Variants in SLCO1A2 observed in about 807,000 individuals in gnomAD.
The protein encoded by SLCO1A2 is OATP-1.
In SLCO1A2, 67 loss-of-function variants were observed where a neutral mutation model predicts 69.0. The observed-to-expected ratio is 0.97, with a 90% confidence interval of 0.80 to 1.19. The LOEUF (loss-of-function observed/expected upper bound fraction) is 1.19. Among genes scored for constraint, SLCO1A2 ranks in the 50% most tolerant of loss-of-function variants. The probability of loss-of-function intolerance (pLI) is 0.00; values close to 1 mark genes in which losing one functional copy is unlikely to be tolerated. For synonymous variants in SLCO1A2, 260 were observed against 265.9 expected (o/e 0.98, Z 0.22); for missense variants, 787 against 793.7 (o/e 0.99, Z 0.10).
intron 1 of SLCO1A2, among the ~76,000 whole-genome samples, chr12:21,406,042 C>G (rs1941818609): frequency 2.0e-5 from 3 of 152,156 alleles, no homozygotes; most frequent in Admixed American, 2.0e-4. Flanking sequence ...GCAAAAGAGT[C>G]TAAATTACTA....
rs1950661711 is a variant in SLCO1A2 at position 21,314,732 on chromosome 12, A to AT, written c.203-52dup. 2.2e-6 allele frequency: 3 copies of AT among 1,359,396 alleles called. No individual in the cohort carries two copies. The East Asian group carries it at 7.2e-5, about 33-fold the overall frequency. The allele number at this position is 1,359,396 out of a possible 1,614,324, so 84.2% of individuals were successfully genotyped here. ...TTTAAAAAGTATGAACAAAGTCTTA[A>AT]TTAAGAGCCTCACCCAATCATTTAC... On this transcript the variant is annotated intron_variant, in intron 3 of 14. Transcript: ENST00000683939.
intron 2 of SLCO1A2, among the ~76,000 whole-genome samples, chr12:21,359,573 C>A (rs553589529): frequency 6.6e-6 from 1 of 152,226 alleles, no homozygotes; most frequent in East Asian, 1.9e-4. Context: ...TAGTGTCTCA[C>A]TAATAAATGT....
At chr12:21,347,471 C>A (rs1314293672) in intron 2 of SLCO1A2, among the ~76,000 whole-genome samples, 1 of 152,060 alleles carries the variant, frequency 6.6e-6, no homozygotes, top group African/African-American at 2.4e-5. Flanking sequence ...CATGGTGAAA[C>A]CCCCTCTCTA....
At chr12:21,319,354 A>G (rs769213996) in intron 2 of SLCO1A2, 1 of 1,368,158 alleles carries the variant, frequency 7.3e-7, no homozygotes, top group East Asian at 4.5e-5. Context: ...TCTGCAGGAC[A>G]ATAGGTCCCC....
intron 1 of SLCO1A2, among the ~76,000 whole-genome samples, chr12:21,384,062 A>G (rs959237711): frequency 2.0e-5 from 3 of 152,244 alleles, no homozygotes; most frequent in Non-Finnish European, 2.9e-5. Context: ...AAGATTAGAA[A>G]TAAAATATGC....
chr12:21,291,537 G>A (rs908741153), intron 12 of SLCO1A2, among the ~76,000 whole-genome samples: 8 of 152,132 alleles, frequency 5.3e-5, no homozygotes, highest in Non-Finnish European at 1.0e-4. Context: ...GAGAAAAAAT[G>A]CAAATTATGT....
intron 3 of SLCO1A2, among the ~76,000 whole-genome samples, chr12:21,315,314 G>T (rs995026472): frequency 4.6e-5 from 7 of 152,044 alleles, no homozygotes; most frequent in Admixed American, 1.3e-4. Flanking sequence ...AATAAAAATG[G>T]CAATGAAAAA....
At chr12:21,406,506 C>T (rs535221028) in intron 1 of SLCO1A2, among the ~76,000 whole-genome samples, 4 of 152,134 alleles carry the variant, frequency 2.6e-5, no homozygotes, top group Admixed American at 1.3e-4. Context: ...AAGCTTCAAG[C>T]GGCAGGATTG....
chr12:21,282,232 A>G (rs1944929864), intron 12 of SLCO1A2, among the ~76,000 whole-genome samples: 1 of 152,186 alleles, frequency 6.6e-6, no homozygotes. Flanking sequence ...AAGATCATTC[A>G]TCATGACCAA....
At chr12:21,289,959 T>C (rs1946574383) in intron 12 of SLCO1A2, among the ~76,000 whole-genome samples, 1 of 152,082 alleles carries the variant, frequency 6.6e-6, no homozygotes, top group South Asian at 2.1e-4. Context: ...TACACACATC[T>C]GGCTATCAGA....
intron 2 of SLCO1A2, among the ~76,000 whole-genome samples, chr12:21,342,290 A>G (rs1272373001): frequency 6.6e-6 from 1 of 151,970 alleles, no homozygotes; most frequent in African/African-American, 2.4e-5. Context: ...TTCAAGACCT[A>G]TTTTTGAAAA....
In SLCO1A2 at chr12:21,265,117, T is replaced by C. The variant is rs875234; in HGVS notation, c.*4431A>G. Reference sequence around the variant, plus strand: ...TAAAATAAAACATCAATTGTATGAGTGTAATAGACATTCTAGTTCTTCAGC... The same window carrying C: ...TAAAATAAAACATCAATTGTATGAGCGTAATAGACATTCTAGTTCTTCAGC... On this transcript the variant is annotated 3_prime_UTR_variant, in exon 15 of 15. Transcript: ENST00000683939. 42,234 of 152,064 alleles carry C rather than the reference T, an allele frequency of 0.28. 7,281 individuals are homozygous for C. The highest frequency in any genetic ancestry group is 0.49 in the African/African-American group (20,450 of 41,452). 9.4% of individuals were successfully genotyped at this position (152,064 alleles called of 1,614,324 possible).
chr12:21,327,917 G>A (rs1952358247), intron 2 of SLCO1A2, among the ~76,000 whole-genome samples: 1 of 152,118 alleles, frequency 6.6e-6, no homozygotes, highest in African/African-American at 2.4e-5. Flanking sequence ...TGGTTGGGCT[G>A]TGTCCCCACC....
At chr12:21,376,362 AAAGT>A (rs1940191138) in intron 1 of SLCO1A2, 1 of 361,140 alleles carries the variant, frequency 2.8e-6, no homozygotes, top group Non-Finnish European at 5.7e-6. Flanking sequence ...TTTTTCAAGA[AAAGT>A]AAGTATTTTA....
At chr12:21,335,626 T>C (rs1255971157), upstream of SLCO1A2, among the ~76,000 whole-genome samples, 1 of 152,078 alleles carries the variant, frequency 6.6e-6, no homozygotes, top group Non-Finnish European at 1.5e-5. Context: ...CAGCATTAAT[T>C]AATTAAGTCC....
At chr12:21,397,539 G>A (rs1941517403), upstream of SLCO1A2, among the ~76,000 whole-genome samples, 1 of 152,068 alleles carries the variant, frequency 6.6e-6, no homozygotes, top group Admixed American at 6.6e-5. Flanking sequence ...GACATCTACA[G>A]AACCCTCCAC....
At chr12:21,378,434 T>C in intron 1 of SLCO1A2, 4 of 1,600,786 alleles carry the variant, frequency 2.5e-6, no homozygotes, top group East Asian at 2.2e-5. Flanking sequence ...TAGAGGACAA[T>C]GTAACTCTAT....
intron 2 of SLCO1A2, among the ~76,000 whole-genome samples, chr12:21,330,876 A>G (rs1216804902): frequency 6.6e-6 from 1 of 152,154 alleles, no homozygotes; most frequent in Admixed American, 6.6e-5. Context: ...TACAACTTAC[A>G]CAGACCATTT....
At chr12:21,325,227 C>T (rs61927783) in intron 2 of SLCO1A2, among the ~76,000 whole-genome samples, 17,446 of 152,178 alleles carry the variant, frequency 0.11, 1,097 homozygotes, top group Non-Finnish European at 0.15. Context: ...TCAAAGGGCA[C>T]ATTTACATGA....
Sources: allele counts gnomAD v4.1 joint callset (sites outside exome capture counted in the v4.1 genomes callset), GRCh38; gene constraint gnomAD v4.1.1; transcripts MANE v1.5; gene names NCBI Gene and HGNC (gene_info 2026-07-23, HGNC 2026-07-21).